MAP7: variants seen among roughly 807,000 people sequenced by gnomAD.
MAP7 encodes the protein ensconsin.
In MAP7, 52 loss-of-function variants were observed where a neutral mutation model predicts 94.8. That is an observed-to-expected ratio of 0.55 (90% CI 0.44 to 0.69). The LOEUF is 0.69. Ranked by LOEUF, MAP7 falls within the 30% of genes least tolerant of loss-of-function variation. The pLI is 0.00. For synonymous variants in MAP7, 350 were observed against 357.0 expected, an observed-to-expected ratio of 0.98 and a Z score of 0.22; for missense variants, 940 against 964.6, an observed-to-expected ratio of 0.97 and a Z score of 0.34.
intron 15 of MAP7, among the ~76,000 whole-genome samples, chr6:136,358,881 G>A (rs773410749): frequency 3.9e-5 from 6 of 152,124 alleles, no homozygotes; most frequent in Non-Finnish European, 7.4e-5. Flanking sequence ...CCCCAGCTGC[G>A]TAAGCCTGGC....
At chr6:136,481,311 A>G (rs1435682771) in intron 1 of MAP7, among the ~76,000 whole-genome samples, 1 of 152,236 alleles carries the variant, frequency 6.6e-6, no homozygotes. Context: ...GCAAAGAGAT[A>G]TCTGCACTAT....
chr6:136,420,552 C>T (rs3823166), intron 2 of MAP7: 153,261 of 208,980 alleles, frequency 0.73, 57,354 homozygotes, highest in Non-Finnish European at 0.8. Flanking sequence ...CAGTACATCT[C>T]TCATGCTTCT....
chr6:136,516,724 A>G (rs1020700200), intron 1 of MAP7, among the ~76,000 whole-genome samples: 1 of 152,240 alleles, frequency 6.6e-6, no homozygotes, highest in Non-Finnish European at 1.5e-5. Flanking sequence ...GCACAGAGAA[A>G]CAAGAAGTAT....
chr6:136,502,610 T>C (rs573380844), intron 1 of MAP7, among the ~76,000 whole-genome samples: 5 of 152,310 alleles, frequency 3.3e-5, no homozygotes, highest in Admixed American at 1.3e-4. Context: ...GCACATCAGA[T>C]ACCCCTGGGA....
chr6:136,446,409 A>G (rs566095132), intron 1 of MAP7, among the ~76,000 whole-genome samples: 1 of 152,354 alleles, frequency 6.6e-6, no homozygotes, highest in Non-Finnish European at 1.5e-5. Flanking sequence ...ACCACCATCC[A>G]GGAGTTTCCA....
intron 1 of MAP7, among the ~76,000 whole-genome samples, chr6:136,430,331 T>G (rs1794531977): frequency 6.6e-6 from 1 of 152,252 alleles, no homozygotes; most frequent in South Asian, 2.1e-4. Flanking sequence ...AAATGATTAC[T>G]ATTGGCCATG....
At chr6:136,521,674 A>C (rs1232143235) in intron 1 of MAP7, among the ~76,000 whole-genome samples, 1 of 152,202 alleles carries the variant, frequency 6.6e-6, no homozygotes, top group Non-Finnish European at 1.5e-5. Flanking sequence ...ATCCACAGGT[A>C]AACATTGTGT....
intron 8 of MAP7, 39 bp from the exon 9 acceptor site, chr6:136,366,478 A>G (rs777640746): frequency 4.3e-6 from 6 of 1,400,096 alleles, no homozygotes. Context: ...TTTTTCCACA[A>G]GCGAGGCAAA....
Position 136,391,430 on chromosome 6 carries a change from T to C in MAP7, c.245-1913A>G, listed in dbSNP as rs1440238090. On this transcript the variant is annotated intron_variant, in intron 3 of 17. Transcript: ENST00000354570. The stretch of plus-strand genomic sequence containing the variant: ...GTCGGGGGAGGGGGGAGGGATAGCA[T>C]TGGGAGATATACCTAATGCTAGATG... Among the ~76,000 whole-genome samples, 6 of 142,388 alleles carry C rather than the reference T, an allele frequency of 4.2e-5. No homozygotes were observed. The South Asian group carries it at 7.4e-4, about 18-fold the overall frequency. 93.4% of individuals were successfully genotyped at this position (142,388 alleles called of 152,430 possible). A position where few individuals can be genotyped will look rare whatever the true frequency, so the allele number is the denominator to read the frequency against.
At chr6:136,543,862 A>G (rs1442147377) in intron 1 of MAP7, among the ~76,000 whole-genome samples, 1 of 152,112 alleles carries the variant, frequency 6.6e-6, no homozygotes, top group African/African-American at 2.4e-5. Flanking sequence ...TGCTTACATT[A>G]CCTATACAGT....
chr6:136,437,149 T>C (rs1475649140), intron 1 of MAP7, among the ~76,000 whole-genome samples: 1 of 152,214 alleles, frequency 6.6e-6, no homozygotes, highest in East Asian at 1.9e-4. Context: ...AACAGCCCCC[T>C]GACCTTGGCT....
chr6:136,361,356 C>T (rs1331581123), intron 11 of MAP7, among the ~76,000 whole-genome samples, 177 bp from the exon 12 acceptor site: 2 of 152,218 alleles, frequency 1.3e-5, no homozygotes, highest in Non-Finnish European at 2.9e-5. Context: ...AGACTTCCTC[C>T]CGCCTTGCCA....
chr6:136,344,944 T>C (rs1261702703), intron 17 of MAP7, among the ~76,000 whole-genome samples: 1 of 152,240 alleles, frequency 6.6e-6, no homozygotes, highest in Non-Finnish European at 1.5e-5. Context: ...TAATTCTGTA[T>C]TGTCTCCATT....
chr6:136,465,165 T>A (rs370598065), intron 1 of MAP7, among the ~76,000 whole-genome samples: 1 of 152,216 alleles, frequency 6.6e-6, no homozygotes, highest in African/African-American at 2.4e-5. Context: ...TATGGAAACA[T>A]GCAGCTTCTG....
At chr6:136,450,150 C>T (rs1273275016) in intron 1 of MAP7, among the ~76,000 whole-genome samples, 6 of 152,246 alleles carry the variant, frequency 3.9e-5, no homozygotes, top group South Asian at 4.2e-4. Context: ...TGCCACTGCA[C>T]GCCAGCCTGG....
At chr6:136,495,180 GA>G (rs1179517491) in intron 1 of MAP7, among the ~76,000 whole-genome samples, 1 of 152,110 alleles carries the variant, frequency 6.6e-6, no homozygotes, top group Non-Finnish European at 1.5e-5. Context: ...TGAACATGTA[GA>G]AAATTGATGG....
intron 1 of MAP7, among the ~76,000 whole-genome samples, chr6:136,541,871 C>A (rs1475395996): frequency 1.3e-5 from 2 of 152,188 alleles, no homozygotes; most frequent in Non-Finnish European, 2.9e-5. Flanking sequence ...CAAGCCTGGC[C>A]AACACGGCAA....
intron 1 of MAP7, among the ~76,000 whole-genome samples, chr6:136,549,526 C>T (rs1271642594): frequency 6.6e-6 from 1 of 152,134 alleles, no homozygotes; most frequent in East Asian, 1.9e-4. Context: ...AGCCTTGCTG[C>T]TGGTCTTGGG....
rs116129254 is a variant in MAP7, at chr6:136,345,381, C to T, written c.2239+475G>A. 4.5e-3 allele frequency among the ~76,000 whole-genome samples: 683 copies of T among 152,242 alleles called. 7 individuals are homozygous for T. The highest frequency in any genetic ancestry group is 0.016 in the African/African-American group (657 of 41,542). ...TTTGAAAGGACAATAATTTATTACC[C>T]AGGTTGCCAAACCCAAATAAGAGAA... is the stretch of plus-strand genomic sequence containing the variant. On this transcript the variant is annotated intron_variant, in intron 17 of 17. Coordinates refer to ENST00000354570, the MANE Select transcript of MAP7 (RefSeq NM_003980.6).
Sources: allele counts gnomAD v4.1 joint callset (sites outside exome capture counted in the v4.1 genomes callset), GRCh38; gene constraint gnomAD v4.1.1; transcripts MANE v1.5; gene names NCBI Gene and HGNC (gene_info 2026-07-23, HGNC 2026-07-21).